The following MMS22L variants were observed in gnomAD, a reference collection of about 807,000 sequenced individuals.
MMS22L encodes MMS22 like, DNA repair protein, also known as protein MMS22-like.
MMS22L carries 74 observed loss-of-function variants against 159.1 expected under a neutral mutation model. The observed-to-expected ratio is 0.47, with a 90% confidence interval of 0.39 to 0.56. The LOEUF (loss-of-function observed/expected upper bound fraction) is 0.56. Ranked by LOEUF, MMS22L falls within the 20% of genes least tolerant of loss-of-function variation. MMS22L has a pLI of 0.00. For missense variants in MMS22L, 1,351 were observed against 1,422.1 expected, an observed-to-expected ratio of 0.95 and a Z score of 0.80; for synonymous variants, 517 against 506.9, an observed-to-expected ratio of 1.02 and a Z score of -0.27.
At chr6:97,266,111 TGA>T (rs1815081745) in intron 8 of MMS22L, 1 of 152,108 alleles carries the variant, frequency 6.6e-6, no homozygotes, top group Non-Finnish European at 1.5e-5. Flanking sequence ...AATTAAAACT[TGA>T]TAAGATATCA....
chr6:97,159,944 TTC>T (rs1802244733), intron 22 of MMS22L, among the ~76,000 whole-genome samples: 3 of 115,592 alleles, frequency 2.6e-5, no homozygotes, highest in East Asian at 2.6e-4. Flanking sequence ...TATTTATCAT[TTC>T]TGTTTTTTTT....
At chr6:97,195,479 C>T (rs190680422) in intron 14 of MMS22L, among the ~76,000 whole-genome samples, 1 of 152,148 alleles carries the variant, frequency 6.6e-6, no homozygotes, top group African/African-American at 2.4e-5. Context: ...AAAACGTAAC[C>T]ACTTTGATTA....
chr6:97,166,792 A>G (rs746185787), intron 20 of MMS22L, among the ~76,000 whole-genome samples: 4 of 151,742 alleles, frequency 2.6e-5, no homozygotes, highest in Non-Finnish European at 5.9e-5. Context: ...AATATTCCAG[A>G]CTCTCCTGCT....
chr6:97,205,784 T>G (rs1284125596), intron 14 of MMS22L, among the ~76,000 whole-genome samples: 2 of 152,186 alleles, frequency 1.3e-5, no homozygotes, highest in Non-Finnish European at 2.9e-5. Flanking sequence ...TAACAAATGC[T>G]ACATTTAATA....
intron 3 of MMS22L, 126 bp from the exon 4 acceptor site, chr6:97,279,024 C>T: frequency 1.5e-6 from 1 of 656,792 alleles, no homozygotes; most frequent in Admixed American, 3.2e-5. Context: ...ATGATTAATA[C>T]CTTGTGAATG....
At chr6:97,187,667 G>C (rs1303308902) in intron 14 of MMS22L, among the ~76,000 whole-genome samples, 1 of 151,870 alleles carries the variant, frequency 6.6e-6, no homozygotes, top group African/African-American at 2.4e-5. Flanking sequence ...ATTCCACTAA[G>C]AAAAATAATT....
rs1167446221 is a variant in MMS22L at position 97,215,091 on chromosome 6, A to AATATAT, written c.2039+13797_2039+13802dup. Among the ~76,000 whole-genome samples the AATATAT allele has an allele frequency of 4.7e-4, 66 of 141,278 alleles. No homozygotes were observed. The East Asian group carries it at 5.8e-3, about 12-fold the overall frequency. 92.7% of individuals were successfully genotyped at this position (141,278 alleles called of 152,430 possible). ...TTTTTTCACAATTAATCATGTTTTAAATATATATATATATATATATATATT... is the reference window on the plus strand; with the variant it reads ...TTTTTTCACAATTAATCATGTTTTAAATATATATATATATATATATATATATATATT... On this transcript the variant is annotated intron_variant, in intron 14 of 24. Transcript: ENST00000683635.
chr6:97,273,819 A>G (rs1182537760), intron 4 of MMS22L, among the ~76,000 whole-genome samples: 1 of 152,164 alleles, frequency 6.6e-6, no homozygotes, highest in African/African-American at 2.4e-5. Flanking sequence ...AACCACCACA[A>G]TAGCACTCTT....
intron 14 of MMS22L, among the ~76,000 whole-genome samples, chr6:97,210,968 T>C (rs575035506): frequency 2.6e-5 from 4 of 152,064 alleles, no homozygotes; most frequent in East Asian, 3.9e-4. Flanking sequence ...GGAATGACCA[T>C]GGAGACATAA....
At chr6:97,207,198 C>T (rs1295875656) in intron 14 of MMS22L, among the ~76,000 whole-genome samples, 2 of 151,944 alleles carry the variant, frequency 1.3e-5, no homozygotes, top group Non-Finnish European at 2.9e-5. Flanking sequence ...TTGAGTTTTC[C>T]AGAGTTGTAA....
At chr6:97,268,839 A>G (rs1057083024) in intron 7 of MMS22L, among the ~76,000 whole-genome samples, 5 of 152,096 alleles carry the variant, frequency 3.3e-5, no homozygotes, top group African/African-American at 9.7e-5. Flanking sequence ...GTACATCTTC[A>G]TATGTTTCTG....
chr6:97,254,945 T>C (rs1405701046), intron 9 of MMS22L, among the ~76,000 whole-genome samples: 1 of 152,136 alleles, frequency 6.6e-6, no homozygotes, highest in Non-Finnish European at 1.5e-5. Flanking sequence ...CTCCATCCAG[T>C]AGTTAACAAT....
At chr6:97,160,707 CTCT>C (rs1387535059) in intron 22 of MMS22L, among the ~76,000 whole-genome samples, 9 of 151,816 alleles carry the variant, frequency 5.9e-5, no homozygotes, top group Non-Finnish European at 1.2e-4. Context: ...TTGGCTTTCT[CTCT>C]TCTTCTGGTT....
At position 97,272,854 on chromosome 6, in the gene MMS22L, A is replaced by G; in HGVS notation, c.456T>C (p.Ser152=). 6.2e-7 allele frequency: 1 copy of G among 1,613,514 alleles called. No individual in the cohort carries two copies. The highest frequency in any genetic ancestry group is 8.5e-7 in the Non-Finnish European group (1 of 1,179,860). ...CCTCATAAGGATGGACAGGAACATG[A>G]CTCTCAGCATTCTGTACTTTCAGAT... The part of the protein sequence containing the change: ...FRYLKVQNAE[S]HVPVHPYEAL... The change falls in exon 6 of 25, where the codon AGT becomes AGC. Residue 152 remains serine (S), a synonymous_variant. Transcript: ENST00000683635.
intron 8 of MMS22L, chr6:97,264,717 T>A (rs548203875): frequency 6.6e-6 from 1 of 152,102 alleles, no homozygotes; most frequent in South Asian, 2.1e-4. Flanking sequence ...AAAATCAACA[T>A]ACAAAATACC....
intron 14 of MMS22L, among the ~76,000 whole-genome samples, chr6:97,228,348 T>C (rs764222722): frequency 3.6e-4 from 55 of 152,218 alleles, no homozygotes; most frequent in Non-Finnish European, 1.0e-4. Flanking sequence ...TGAAAAGCTA[T>C]TGTTTGAAAA....
intron 8 of MMS22L, chr6:97,264,026 A>AG (rs1814804783): frequency 6.6e-6 from 1 of 152,294 alleles, no homozygotes; most frequent in Admixed American, 6.5e-5. Context: ...TTTTCTATAA[A>AG]GGGCCAGATA....
At chr6:97,161,461 A>G (rs1802427154) in intron 22 of MMS22L, among the ~76,000 whole-genome samples, 1 of 152,024 alleles carries the variant, frequency 6.6e-6, no homozygotes, top group Non-Finnish European at 1.5e-5. Context: ...TAAGAGCTCT[A>G]TCCCAAAGTG....
chr6:97,186,410 C>A, intron 15 of MMS22L, 87 bp downstream of exon 15: 1 of 1,104,642 alleles, frequency 9.1e-7, no homozygotes, highest in Non-Finnish European at 1.3e-6. Context: ...GTTTGCTATA[C>A]AAGAGTTTGT....
Sources: gnomAD v4.1 joint callset for allele counts (sites outside exome capture counted in the v4.1 genomes callset) on GRCh38, gnomAD v4.1.1 for gene constraint, MANE v1.5 for transcripts, NCBI Gene and HGNC (gene_info 2026-07-23, HGNC 2026-07-21) for gene names.